Variants in OXR1 observed in about 807,000 individuals in gnomAD.
OXR1 encodes oxidation resistance 1.
Under a neutral mutation model 104.6 loss-of-function variants are expected in OXR1, and 41 were observed. That is an observed-to-expected ratio of 0.39 (90% CI 0.31 to 0.51). The LOEUF is 0.51. Among genes scored for constraint, OXR1 ranks in the 20% least tolerant of loss-of-function variants. OXR1 has a pLI of 0.77. For synonymous variants in OXR1, 348 were observed against 348.4 expected (o/e 1.00, Z 0.01); for missense variants, 955 against 1,031.9 (o/e 0.93, Z 1.02).
At chr8:106,688,349 C>T (rs961888388) in intron 6 of OXR1, among the ~76,000 whole-genome samples, 2 of 151,470 alleles carry the variant, frequency 1.3e-5, no homozygotes, top group Non-Finnish European at 2.9e-5. Flanking sequence ...TCTAATCAAT[C>T]TAAAATATGA....
intron 1 of OXR1, among the ~76,000 whole-genome samples, chr8:106,341,947 C>T (rs1322799380): frequency 6.6e-6 from 1 of 151,268 alleles, no homozygotes; most frequent in African/African-American, 2.4e-5. Flanking sequence ...TCCATTATAG[C>T]TCATTGCATC....
In OXR1 at chr8:106,697,781, T is replaced by C. The variant is rs1306449273; in HGVS notation, c.675+4904T>C. ...GCCATGGTGGAGGCCTGGATCTTCT[T>C]TACTGGGACCTGCCCCTTGGGGTAC... On this transcript the variant is annotated intron_variant, in intron 7 of 16. Transcript: ENST00000517566. The C allele has an allele frequency of 5.6e-5, 90 of 1,613,130 alleles. No individual in the cohort carries two copies. In the East Asian group the frequency reaches 8.0e-4, roughly 14 times the overall value.
At chr8:106,591,416 C>T (rs1161148351) in intron 3 of OXR1, among the ~76,000 whole-genome samples, 1 of 143,634 alleles carries the variant, frequency 7.0e-6, no homozygotes, top group African/African-American at 2.7e-5. Context: ...GCACGTTGTG[C>T]ACATGTACCC....
intron 3 of OXR1, among the ~76,000 whole-genome samples, chr8:106,635,589 C>T (rs545366195): frequency 6.6e-6 from 1 of 152,134 alleles, no homozygotes; most frequent in South Asian, 2.1e-4. Flanking sequence ...GGATTACAGG[C>T]ATGCACCACC....
chr8:106,490,602 A>T (rs1014984748), intron 2 of OXR1, among the ~76,000 whole-genome samples: 2 of 152,060 alleles, frequency 1.3e-5, no homozygotes, highest in African/African-American at 4.8e-5. Context: ...CCAATCTCAA[A>T]TGATCCTCCT....
chr8:106,576,249 T>C (rs973426362), intron 3 of OXR1, among the ~76,000 whole-genome samples: 1 of 151,736 alleles, frequency 6.6e-6, no homozygotes, highest in Non-Finnish European at 1.5e-5. Context: ...TGAAGAGATA[T>C]CCTGGAAGTA....
chr8:106,621,665 G>T lies in OXR1; in HGVS notation c.221-57545G>T, dbSNP rs1366930862. ...TTAAAAGTTAATATATTTAGTATAT[G>T]TGTTACTTTTGAGGATAGGGATACT... On this transcript the variant is annotated intron_variant, in intron 3 of 16. Coordinates refer to ENST00000517566, the MANE Select transcript of OXR1 (RefSeq NM_001198533.2). Among the ~76,000 whole-genome samples, 10 of 152,210 alleles carry T rather than the reference G, an allele frequency of 6.6e-5. No individual in the cohort carries two copies. The East Asian group carries it at 1.7e-3, about 26-fold the overall frequency.
chr8:106,552,116 C>T (rs1815886197), intron 3 of OXR1, among the ~76,000 whole-genome samples: 1 of 151,630 alleles, frequency 6.6e-6, no homozygotes, highest in Non-Finnish European at 1.5e-5. Flanking sequence ...ATCATTTGTA[C>T]CGAATCAGCT....
At chr8:106,692,693 C>CTT in intron 6 of OXR1, 35 bp from the exon 7 acceptor site, 39 of 1,126,922 alleles carry the variant, frequency 3.5e-5, no homozygotes, top group Admixed American at 9.1e-5. Context: ...TTGTTTTCTG[C>CTT]TTTTTTTTTT....
chr8:106,463,118 A>C (rs1394454338), intron 2 of OXR1, among the ~76,000 whole-genome samples: 3 of 152,064 alleles, frequency 2.0e-5, no homozygotes, highest in African/African-American at 4.8e-5. Flanking sequence ...TATTTTATAC[A>C]CTTTGGAGAA....
At chr8:106,367,209 G>C (rs7829945) in intron 2 of OXR1, among the ~76,000 whole-genome samples, 2 of 151,686 alleles carry the variant, frequency 1.3e-5, no homozygotes, top group Non-Finnish European at 1.5e-5. Flanking sequence ...CTACAGGTGC[G>C]TGCCACCATG....
intron 3 of OXR1, chr8:106,656,040 T>C (rs1163714078): frequency 3.9e-5 from 6 of 152,176 alleles, no homozygotes; most frequent in African/African-American, 1.4e-4. Flanking sequence ...GTAAAACATA[T>C]CTTAGAAAAA....
Position 106,354,952 on chromosome 8 carries a change from G to A in OXR1, c.-138-4524G>A, listed in dbSNP as rs1372707808. Among the ~76,000 whole-genome samples the A allele has an allele frequency of 2.0e-5, 3 of 151,832 alleles. No homozygotes were observed. The East Asian group carries it at 5.8e-4, about 29-fold the overall frequency. Reference sequence around the variant, plus strand: ...TAAAATGATTAAAATGATTATTTTGGTAAAGTATCATCCCAATAATCCATT... The same window carrying A: ...TAAAATGATTAAAATGATTATTTTGATAAAGTATCATCCCAATAATCCATT... On this transcript the variant is annotated intron_variant, in intron 1 of 16. Transcript: ENST00000517566.
At chr8:106,434,664 T>G (rs1452908230) in intron 2 of OXR1, among the ~76,000 whole-genome samples, 1 of 152,212 alleles carries the variant, frequency 6.6e-6, no homozygotes, top group Non-Finnish European at 1.5e-5. Flanking sequence ...ATTTGTAATT[T>G]GTAACAGTTT....
At chr8:106,435,432 C>T (rs1373305505) in intron 2 of OXR1, among the ~76,000 whole-genome samples, 1 of 152,138 alleles carries the variant, frequency 6.6e-6, no homozygotes, top group African/African-American at 2.4e-5. Flanking sequence ...TCCCTAATCA[C>T]CCTCAATTGT....
At chr8:106,697,350 T>A (rs1830145313) in intron 7 of OXR1, 1 of 1,066,084 alleles carries the variant, frequency 9.4e-7, no homozygotes, top group Non-Finnish European at 1.4e-6. Context: ...TCTCTGGGAA[T>A]GTCACTGCTA....
intron 2 of OXR1, among the ~76,000 whole-genome samples, chr8:106,427,492 A>G (rs974784315): frequency 6.6e-6 from 1 of 152,152 alleles, no homozygotes; most frequent in Non-Finnish European, 1.5e-5. Context: ...AGATTCTCCA[A>G]AGGGCTGAGA....
intron 1 of OXR1, among the ~76,000 whole-genome samples, chr8:106,284,870 GTTTATT>G (rs1812430519): frequency 6.6e-6 from 1 of 151,918 alleles, no homozygotes; most frequent in Non-Finnish European, 1.5e-5. Flanking sequence ...TAGCTTACTT[GTTTATT>G]TGAACTTTAT....
Position 106,288,882 on chromosome 8 carries a change from C to G in OXR1, c.-139+18515C>G, listed in dbSNP as rs1483885514. On this transcript the variant is annotated intron_variant, in intron 1 of 16. Coordinates refer to ENST00000517566, the MANE Select transcript of OXR1 (RefSeq NM_001198533.2). ...GGGATTCACAACTCATTCATTCATT[C>G]GTTCTTTCATTCAGCAAGTATGTCG... Among the ~76,000 whole-genome samples, 3 of 151,768 alleles carry G rather than the reference C, an allele frequency of 2.0e-5. No homozygotes were observed. In the East Asian group the frequency reaches 5.8e-4, roughly 29 times the overall value.
Sources: allele counts gnomAD v4.1 joint callset (sites outside exome capture counted in the v4.1 genomes callset), GRCh38; gene constraint gnomAD v4.1.1; transcripts MANE v1.5; gene names NCBI Gene and HGNC (gene_info 2026-07-23, HGNC 2026-07-21).